Variants in MLLT3 observed in about 807,000 individuals in gnomAD.
The protein encoded by MLLT3 is protein AF-9.
A neutral mutation model predicts 53.2 loss-of-function variants in MLLT3; 4 were observed. The observed-to-expected ratio is 0.08, with a 90% CI of 0.04 to 0.17. The LOEUF is 0.17. Ranked by LOEUF, MLLT3 falls within the 10% of genes least tolerant of loss-of-function variation. The pLI is 1.00. For missense variants in MLLT3, 569 were observed against 684.0 expected, an observed-to-expected ratio of 0.83 and a Z score of 1.87; for synonymous variants, 283 against 230.6, an observed-to-expected ratio of 1.23 and a Z score of -2.06.
chr9:20,464,981 T>C (rs535691019), intron 2 of MLLT3, among the ~76,000 whole-genome samples: 12 of 152,260 alleles, frequency 7.9e-5, no homozygotes, highest in African/African-American at 2.9e-4. Context: ...ATAATGACTC[T>C]ACATTATAAA....
intron 2 of MLLT3, among the ~76,000 whole-genome samples, chr9:20,530,839 C>A (rs922446170): frequency 2.6e-5 from 4 of 152,120 alleles, no homozygotes; most frequent in Non-Finnish European, 5.9e-5. Context: ...CTATGTTGGC[C>A]AGCTTGGTCT....
intron 5 of MLLT3, among the ~76,000 whole-genome samples, chr9:20,403,148 T>C (rs1198062688): frequency 6.6e-6 from 1 of 151,786 alleles, no homozygotes; most frequent in East Asian, 1.9e-4. Context: ...ACCCCTAGGA[T>C]CTTGGGCAAG....
intron 8 of MLLT3, among the ~76,000 whole-genome samples, chr9:20,358,482 G>C (rs937384544): frequency 1.1e-4 from 16 of 152,152 alleles, no homozygotes; most frequent in Admixed American, 6.5e-4. Flanking sequence ...ATCAGATAAG[G>C]TAACTTTTAC....
intron 4 of MLLT3, among the ~76,000 whole-genome samples, chr9:20,423,820 G>C (rs1206316953): frequency 6.6e-6 from 1 of 151,744 alleles, no homozygotes; most frequent in Non-Finnish European, 1.5e-5. Flanking sequence ...AGCTGAGTGT[G>C]GTGGTGGTGC....
intron 2 of MLLT3, among the ~76,000 whole-genome samples, chr9:20,457,232 G>C (rs1054914094): frequency 1.4e-5 from 2 of 146,360 alleles, no homozygotes; most frequent in Non-Finnish European, 3.0e-5. Context: ...GTCCTGACAA[G>C]GACATCTTTT....
chr9:20,356,431 T>G (rs1308323399), intron 8 of MLLT3, among the ~76,000 whole-genome samples: 1 of 152,054 alleles, frequency 6.6e-6, no homozygotes, highest in Non-Finnish European at 1.5e-5. Flanking sequence ...TCCATTGTTG[T>G]TGAAAGTGAG....
In MLLT3 at chr9:20,342,784, T is replaced by C. The variant is rs1363290058; in HGVS notation, c.*3659A>G. Reference sequence around the variant, plus strand: ...TGTAGTAGTCTCTACATCATATTCATAGTTTTAGAGCAACAGTCCAAAGCA... The same window carrying C: ...TGTAGTAGTCTCTACATCATATTCACAGTTTTAGAGCAACAGTCCAAAGCA... On this transcript the variant is annotated 3_prime_UTR_variant, in exon 11 of 11. Coordinates refer to ENST00000380338, the MANE Select transcript of MLLT3 (RefSeq NM_004529.4). 5.3e-6 allele frequency: 1 copy of C among 188,464 alleles called. No homozygotes were observed. Among genetic ancestry groups the C allele is most frequent in the Non-Finnish European group, 1.1e-5 (1 of 90,092 alleles). 11.7% of individuals were successfully genotyped at this position (188,464 alleles called of 1,614,324 possible).
intron 2 of MLLT3, among the ~76,000 whole-genome samples, chr9:20,487,537 T>A (rs1302857700): frequency 2.0e-5 from 3 of 152,144 alleles, no homozygotes; most frequent in Admixed American, 2.0e-4. Context: ...TGTTTTATAC[T>A]CCCTAATCAG....
intron 2 of MLLT3, among the ~76,000 whole-genome samples, chr9:20,589,235 C>A (rs1820060226): frequency 6.6e-6 from 1 of 151,794 alleles, no homozygotes; most frequent in African/African-American, 2.4e-5. Context: ...CACATATACA[C>A]CATGGAATAC....
At chr9:20,570,820 A>AT (rs1563823261) in intron 2 of MLLT3, among the ~76,000 whole-genome samples, 1 of 148,546 alleles carries the variant, frequency 6.7e-6, no homozygotes, top group East Asian at 1.9e-4. Flanking sequence ...AACAAATTCC[A>AT]TATTTTCTTA....
At chr9:20,515,861 T>C (rs1817899761) in intron 2 of MLLT3, among the ~76,000 whole-genome samples, 1 of 152,312 alleles carries the variant, frequency 6.6e-6, no homozygotes, top group African/African-American at 2.4e-5. Flanking sequence ...GACCGCCTGA[T>C]GTAAGACTCT....
At chr9:20,437,481 T>C (rs1267804784) in intron 4 of MLLT3, among the ~76,000 whole-genome samples, 4 of 151,960 alleles carry the variant, frequency 2.6e-5, no homozygotes, top group African/African-American at 9.7e-5. Context: ...GGGGTTGGTG[T>C]GTATAGAGAA....
At chr9:20,501,729 G>T (rs986435215) in intron 2 of MLLT3, among the ~76,000 whole-genome samples, 1 of 137,372 alleles carries the variant, frequency 7.3e-6, no homozygotes, top group Non-Finnish European at 1.5e-5. Flanking sequence ...CCGCAGTCCG[G>T]CCTGGGCGAC....
rs895254113 is a variant in MLLT3 at position 20,394,347 on chromosome 9, G to C, written c.1125+19374C>G. Among the ~76,000 whole-genome samples the C allele has an allele frequency of 2.0e-5, 3 of 152,282 alleles. No homozygotes were observed. In the South Asian group the frequency reaches 6.2e-4, roughly 32 times the overall value. ...AAATAAGACACTAGCTGTGCAAAAA[G>C]AAGATGAGCCGCAGCTTTAAGAAAC... On this transcript the variant is annotated intron_variant, in intron 5 of 10. Coordinates refer to ENST00000380338, the MANE Select transcript of MLLT3 (RefSeq NM_004529.4).
chr9:20,496,535 G>A (rs908347228), intron 2 of MLLT3, among the ~76,000 whole-genome samples: 6 of 151,986 alleles, frequency 3.9e-5, no homozygotes, highest in Non-Finnish European at 8.8e-5. Context: ...TTCATAACAC[G>A]CACTGTAAAA....
intron 5 of MLLT3, among the ~76,000 whole-genome samples, chr9:20,381,530 T>C (rs1821907801): frequency 6.6e-6 from 1 of 151,958 alleles, no homozygotes; most frequent in Non-Finnish European, 1.5e-5. Context: ...ATTTGCCATG[T>C]ATATTAACCT....
intron 5 of MLLT3, among the ~76,000 whole-genome samples, chr9:20,396,280 G>A (rs530512746): frequency 3.0e-4 from 46 of 152,086 alleles, no homozygotes; most frequent in African/African-American, 1.1e-3. Context: ...TGGAAAGAAG[G>A]AAAGAGGGAA....
chr9:20,418,598 C>T (rs771145413), intron 4 of MLLT3, among the ~76,000 whole-genome samples: 6 of 152,036 alleles, frequency 3.9e-5, no homozygotes, highest in Non-Finnish European at 8.8e-5. Flanking sequence ...TCTGCTTGAC[C>T]CAAAAGAGTT....
At position 20,354,877 on chromosome 9, in the gene MLLT3, A is replaced by C. The variant is rs915810544; in HGVS notation, c.1434T>G (p.Ile478Met). The change falls in exon 9 of 11, where the codon ATT becomes ATG. Residue 478 changes from isoleucine (I) to methionine (M), a missense_variant and splice_region_variant. Transcript: ENST00000380338. ...PPLLKTNNNQILEVKSPIKQS... is the reference protein window; with the variant it reads ...PPLLKTNNNQMLEVKSPIKQS... Reference sequence around the variant, plus strand: ...GCTTTATTGGACTTTTCACTTCAAGAATCTAGGGATCAAAGAGAACGCTGT... The same window carrying C: ...GCTTTATTGGACTTTTCACTTCAAGCATCTAGGGATCAAAGAGAACGCTGT... 5.0e-6 allele frequency: 8 copies of C among 1,610,222 alleles called. No individual in the cohort carries two copies. The highest frequency in any genetic ancestry group is 6.8e-6 in the Non-Finnish European group (8 of 1,176,732).
Sources: gnomAD v4.1 joint callset for allele counts (sites outside exome capture counted in the v4.1 genomes callset) on GRCh38, gnomAD v4.1.1 for gene constraint, MANE v1.5 for transcripts, NCBI Gene and HGNC (gene_info 2026-07-23, HGNC 2026-07-21) for gene names.